The following ACAP3 variants were observed in gnomAD, a reference collection of about 807,000 sequenced individuals.
ACAP3 encodes the protein arf-GAP with coiled-coil, ANK repeat and PH domain-containing protein 3.
In ACAP3, 56 loss-of-function variants were observed where a neutral mutation model predicts 104.1. That is an observed-to-expected ratio of 0.54 (90% CI 0.43 to 0.67). The LOEUF (loss-of-function observed/expected upper bound fraction) is 0.67. Ranked by LOEUF, ACAP3 falls within the 30% of genes least tolerant of loss-of-function variation. The pLI is 0.00. For missense variants in ACAP3, 1,208 were observed against 1,174.9 expected (o/e 1.03, Z -0.41); for synonymous variants, 628 against 496.2 (o/e 1.27, Z -3.53).
At chr1:1,301,254 G>T (rs767720040) in intron 5 of ACAP3, among the ~76,000 whole-genome samples, 1 of 145,760 alleles carries the variant, frequency 6.9e-6, no homozygotes, top group Non-Finnish European at 1.5e-5. Context: ...GTTCTTGGGG[G>T]TGTCTTTTTT....
In ACAP3 at chr1:1,295,787, G is replaced by A. The variant is rs764470318; in HGVS notation, c.1654C>T (p.Arg552Cys). ...AGAACGGGCTCAAGCCGGACCTTGC[G>A]GCGGGCAGTGGGAGCGCGGGGAGAG... ...HSSPRAPTAR[R>C]KVRLEPVLPC... Residue 552 changes from arginine (R) to cysteine (C), a missense_variant, in exon 18 of 24, where the codon CGC becomes TGC. Arg to Cys is a radical substitution (Grantham distance 180). Transcript: ENST00000354700. 88 of 1,608,832 alleles carry A rather than the reference G, an allele frequency of 5.5e-5. No homozygotes were observed. The highest frequency in any genetic ancestry group is 7.0e-5 in the Non-Finnish European group (82 of 1,179,680).
Position 1,293,462 on chromosome 1 carries a change from C to T in ACAP3, c.*102G>A. On this transcript the variant is annotated 3_prime_UTR_variant, in exon 24 of 24. Transcript: ENST00000354700. ...AGCACTGGGGCTGCCAGGTATCGAC[C>T]CGCGGGTCACACGCAGGGCCGCGGC... 3 of 1,231,502 alleles carry T rather than the reference C, an allele frequency of 2.4e-6. No homozygotes were observed. Among genetic ancestry groups the T allele is most frequent in the Admixed American group, 4.5e-5 (1 of 22,454 alleles). 76.3% of individuals were successfully genotyped at this position (1,231,502 alleles called of 1,614,324 possible).
At position 1,294,386 on chromosome 1, in the gene ACAP3, C is replaced by A; in HGVS notation, c.2139+16G>T. 1.3e-6 allele frequency: 2 copies of A among 1,562,502 alleles called. No homozygotes were observed. Among genetic ancestry groups the A allele is most frequent in the East Asian group, 2.4e-5 (1 of 41,486 alleles). On this transcript the variant is annotated intron_variant, in intron 21 of 23. Transcript: ENST00000354700. ...GTGCACCTGTGTCCTGCGCGCAGCC[C>A]CCGTGGCTCGCTCACCCCTAGCACG... is the stretch of plus-strand genomic sequence containing the variant.
At chr1:1,296,146 C>T in intron 16 of ACAP3, 37 bp from the exon 17 acceptor site, 1 of 1,610,694 alleles carries the variant, frequency 6.2e-7, no homozygotes, top group Non-Finnish European at 8.5e-7. Flanking sequence ...TCAGTGCGAA[C>T]CTGCAGACCC....
intron 1 of ACAP3, among the ~76,000 whole-genome samples, chr1:1,306,453 C>T (rs776605500): frequency 6.6e-6 from 1 of 152,164 alleles, no homozygotes; most frequent in East Asian, 1.9e-4. Flanking sequence ...GTTATTCAAC[C>T]CCTTTTCCCA....
At chr1:1,307,623 C>G in intron 1 of ACAP3, 146 bp downstream of exon 1, 1 of 938,688 alleles carries the variant, frequency 1.1e-6, no homozygotes, top group South Asian at 2.6e-5. Flanking sequence ...GGGGCGGGGC[C>G]GCCGCTTTGT....
chr1:1,307,123 A>C (rs1421581498), intron 1 of ACAP3: 2 of 1,229,662 alleles, frequency 1.6e-6, no homozygotes, highest in East Asian at 5.7e-5. Flanking sequence ...CCAAATGTCC[A>C]CCAAGCAAAG....
intron 6 of ACAP3, 43 bp downstream of exon 6, chr1:1,300,466 G>A (rs1392314278): frequency 3.8e-6 from 6 of 1,565,530 alleles, no homozygotes; most frequent in East Asian, 2.3e-5. Flanking sequence ...GCCTCCATTC[G>A]CTACAGCTGG....
At chr1:1,299,273 AGAG>A in intron 10 of ACAP3, 69 bp downstream of exon 10, 1 of 1,546,430 alleles carries the variant, frequency 6.5e-7, no homozygotes, top group Non-Finnish European at 8.8e-7. Flanking sequence ...CCCTTGGGGT[AGAG>A]GAGGGAAAGG....
Position 1,295,718 on chromosome 1 carries a change from C to T in ACAP3, c.1705+18G>A, listed in dbSNP as rs537815544. ...CAAGGCAAGCCCCTCCCAGCCCTGC[C>T]GGGGCATGGCCTCCCACCTGAGGAC... is the stretch of plus-strand genomic sequence containing the variant. On this transcript the variant is annotated intron_variant, in intron 18 of 23. Coordinates refer to ENST00000354700, the MANE Select transcript of ACAP3 (RefSeq NM_030649.3). The T allele has an allele frequency of 9.4e-6, 15 of 1,588,480 alleles. No homozygotes were observed. Among genetic ancestry groups the T allele is most frequent in the African/African-American group, 6.7e-5 (5 of 74,384 alleles).
chr1:1,294,155 G>C lies in ACAP3; in HGVS notation c.2184C>G (p.Asp728Glu). 1.3e-6 allele frequency: 2 copies of C among 1,596,948 alleles called. No individual in the cohort carries two copies. The highest frequency in any genetic ancestry group is 8.5e-7 in the Non-Finnish European group (1 of 1,172,104). Residue 728 changes from aspartate (D) to glutamate (E), a missense_variant, in exon 22 of 24, where the codon GAC becomes GAG. Transcript: ENST00000354700. ...GGCCCCGGCTGTCTCTTTGGTTCACGTCCGCTCCGTTTTGCAGCAGGAACT... is the reference window on the plus strand; with the variant it reads ...GGCCCCGGCTGTCTCTTTGGTTCACCTCCGCTCCGTTTTGCAGCAGGAACT... Reference protein sequence around the residue: ...VCEFLLQNGADVNQRDSRGRA... With the variant: ...VCEFLLQNGAEVNQRDSRGRA...
chr1:1,294,100 C>T lies in ACAP3; in HGVS notation c.2239G>A (p.Gly747Ser). The stretch of plus-strand genomic sequence containing the variant: ...GGTTGCGCGTCTCACCCGGTGCGGC[C>T]CAGCAGCGTGGCGTGGTGCAGGGGC... Reference protein sequence around the residue: ...RAPLHHATLLGRTGQVCLFLK... With the variant: ...RAPLHHATLLSRTGQVCLFLK... Residue 747 changes from glycine (G) to serine (S), a missense_variant, in exon 22 of 24, where the codon GGC becomes AGC. Transcript: ENST00000354700. 6.3e-7 allele frequency: 1 copy of T among 1,577,182 alleles called. No homozygotes were observed. Among genetic ancestry groups the T allele is most frequent in the Non-Finnish European group, 8.6e-7 (1 of 1,161,290 alleles).
intron 5 of ACAP3, 116 bp from the exon 6 acceptor site, chr1:1,300,808 G>A (rs1641410453): frequency 9.0e-7 from 1 of 1,114,732 alleles, no homozygotes; most frequent in Non-Finnish European, 1.3e-6. Context: ...TTTCGCTCTT[G>A]TCACCCAGGC....
At position 1,303,298 on chromosome 1, in the gene ACAP3, C is replaced by T. The variant is rs375547932; in HGVS notation, c.106-17G>A. Reference sequence around the variant, plus strand: ...CTTCACCAGCTGTGGGCCAGCGGGGCGTGGTGAGCACAGTGGGCACTGGCG... The same window carrying T: ...CTTCACCAGCTGTGGGCCAGCGGGGTGTGGTGAGCACAGTGGGCACTGGCG... On this transcript the variant is annotated splice_polypyrimidine_tract_variant and intron_variant, in intron 2 of 23. Transcript: ENST00000354700. The surrounding 1 kb of genome is among the most constrained non-coding windows in gnomAD (Gnocchi z 4.0). 1.7e-5 allele frequency: 27 copies of T among 1,562,690 alleles called. No individual in the cohort carries two copies. The African/African-American group carries it at 1.8e-4, about 10-fold the overall frequency.
Position 1,307,822 on chromosome 1 carries a change from G to T in ACAP3, c.-7C>A. On this transcript the variant is annotated 5_prime_UTR_variant, in exon 1 of 24. Transcript: ENST00000354700. ...CCTCGAACTCCACGGTCATGGCTGC[G>T]GCGGCCGCGGCGCTCACTGGCACGA... The T allele has an allele frequency of 9.5e-7, 1 of 1,053,310 alleles. No individual in the cohort carries two copies. The highest frequency in any genetic ancestry group is 4.4e-5 in the South Asian group (1 of 22,898). The allele number at this position is 1,053,310 out of a possible 1,614,324, so 65.2% of individuals were successfully genotyped here.
At position 1,293,952 on chromosome 1, in the gene ACAP3, G is replaced by A. The variant is rs758794732; in HGVS notation, c.2250-19C>T. ...AACCTGGCTGAGGGGCGAGGTCGGA[G>A]GGGCGTGTCGGGGCGGGGCGGGGCG... On this transcript the variant is annotated intron_variant, in intron 22 of 23. Transcript: ENST00000354700. 1.4e-5 allele frequency: 21 copies of A among 1,545,342 alleles called. No individual in the cohort carries two copies. The highest frequency in any genetic ancestry group is 1.8e-5 in the Non-Finnish European group (21 of 1,150,582).
At chr1:1,297,034 C>T (rs1354828998) in intron 14 of ACAP3, among the ~76,000 whole-genome samples, 2 of 151,888 alleles carry the variant, frequency 1.3e-5, no homozygotes, top group African/African-American at 4.9e-5. Flanking sequence ...CACCAGCACA[C>T]ACCCAGCTTG....
chr1:1,303,982 C>T lies in ACAP3; in HGVS notation c.105+104G>A, dbSNP rs1015853092. ...CCTGGAGCACCACACGCATGCTCCA[C>T]ATATGGGGGGTGTAAGTGGCTTAGT... On this transcript the variant is annotated intron_variant, in intron 2 of 23. Coordinates refer to ENST00000354700, the MANE Select transcript of ACAP3 (RefSeq NM_030649.3). This position sits in a 1 kb window ranked among gnomAD's most constrained non-coding sequence, Gnocchi z 4.0. 31 of 1,388,838 alleles carry T rather than the reference C, an allele frequency of 2.2e-5. No homozygotes were observed. The highest frequency in any genetic ancestry group is 5.7e-5 in the African/African-American group (4 of 70,078). 86.0% of individuals were successfully genotyped at this position (1,388,838 alleles called of 1,614,324 possible).
At chr1:1,304,244 G>A in intron 1 of ACAP3, 101 bp from the exon 2 acceptor site, 1 of 1,428,312 alleles carries the variant, frequency 7.0e-7, no homozygotes, top group Non-Finnish European at 9.6e-7. Context: ...CATGGGAAGG[G>A]GCTTTCAGGA....
Sources: allele counts gnomAD v4.1 joint callset (sites outside exome capture counted in the v4.1 genomes callset), GRCh38; gene constraint gnomAD v4.1.1; non-coding constraint Gnocchi (gnomAD v3.1); transcripts MANE v1.5; gene names NCBI Gene and HGNC (gene_info 2026-07-23, HGNC 2026-07-21).